Variants in SV2C observed in about 807,000 individuals in gnomAD.
The protein encoded by SV2C is solute carrier family 22 member B3.
Under a neutral mutation model 79.7 loss-of-function variants are expected in SV2C, and 49 were observed. That is an observed-to-expected ratio of 0.61 (90% CI 0.49 to 0.78). The LOEUF (loss-of-function observed/expected upper bound fraction) is 0.78, where lower values mean the gene tolerates loss of function less well. Ranked by LOEUF, SV2C falls within the 30% of genes least tolerant of loss-of-function variation. The pLI, the probability that SV2C is intolerant of heterozygous loss-of-function variation, is 0.00. For synonymous variants in SV2C, 334 were observed against 333.2 expected, an observed-to-expected ratio of 1.00 and a Z score of -0.03; for missense variants, 833 against 912.9, an observed-to-expected ratio of 0.91 and a Z score of 1.13.
At chr5:76,166,230 A>G (rs1743043064) in intron 2 of SV2C, among the ~76,000 whole-genome samples, 1 of 152,240 alleles carries the variant, frequency 6.6e-6, no homozygotes. Flanking sequence ...GACCTAACAC[A>G]TAATGACACA....
intron 12 of SV2C, among the ~76,000 whole-genome samples, chr5:76,345,215 T>A (rs1445382483): frequency 6.6e-6 from 1 of 152,206 alleles, no homozygotes; most frequent in Non-Finnish European, 1.5e-5. Context: ...AACAATGGCT[T>A]AGAAAAACAG....
At chr5:76,245,059 A>G (rs1745903138) in intron 4 of SV2C, among the ~76,000 whole-genome samples, 1 of 152,178 alleles carries the variant, frequency 6.6e-6, no homozygotes, top group Non-Finnish European at 1.5e-5. Flanking sequence ...GGTACCCCCA[A>G]ATTGGGTTAG....
chr5:75,983,728 C>T, the SV2C span, among the ~76,000 whole-genome samples: 1 of 152,016 alleles, frequency 6.6e-6, no homozygotes, highest in Non-Finnish European at 1.5e-5. Flanking sequence ...CATTTGATAG[C>T]TTCCTTGTAT....
chr5:75,947,034 G>A, the SV2C span, among the ~76,000 whole-genome samples: 7 of 152,064 alleles, frequency 4.6e-5, no homozygotes, highest in South Asian at 2.1e-4. Flanking sequence ...ATGCCTTCAC[G>A]TCTGAAAGTA....
chr5:76,334,139 TGTTA>T, downstream of SV2C, among the ~76,000 whole-genome samples: 1 of 152,336 alleles, frequency 6.6e-6, no homozygotes, highest in Admixed American at 6.5e-5. Context: ...ATTTTCCAAC[TGTTA>T]GCCAGGACCA....
the SV2C span, among the ~76,000 whole-genome samples, chr5:75,914,223 C>A: frequency 1.3e-5 from 2 of 151,912 alleles, no homozygotes; most frequent in African/African-American, 4.8e-5. Flanking sequence ...TTCTAGAGTT[C>A]TTTTATAGCT....
chr5:76,252,471 G>A (rs1214323695), intron 4 of SV2C, among the ~76,000 whole-genome samples: 1 of 152,020 alleles, frequency 6.6e-6, no homozygotes, highest in African/African-American at 2.4e-5. Context: ...ACATCCATAA[G>A]CACTCTTTCC....
chr5:76,275,967 T>C (rs1747011736), intron 4 of SV2C, among the ~76,000 whole-genome samples: 1 of 152,222 alleles, frequency 6.6e-6, no homozygotes, highest in Non-Finnish European at 1.5e-5. Flanking sequence ...GGTGCCAATA[T>C]AAAAGGTTCA....
At chr5:76,165,101 G>T (rs1371120587) in intron 2 of SV2C, among the ~76,000 whole-genome samples, 2 of 151,754 alleles carry the variant, frequency 1.3e-5, no homozygotes, top group Non-Finnish European at 2.9e-5. Flanking sequence ...GAACCCACAG[G>T]TATGCAAGTC....
chr5:75,942,511 G>A, the SV2C span, among the ~76,000 whole-genome samples: 1 of 152,144 alleles, frequency 6.6e-6, no homozygotes, highest in South Asian at 2.1e-4. Context: ...CAGCACTGTG[G>A]AGCAGTTCTA....
At chr5:75,892,665 A>G in the SV2C span, among the ~76,000 whole-genome samples, 4 of 152,222 alleles carry the variant, frequency 2.6e-5, no homozygotes, top group Admixed American at 2.0e-4. Flanking sequence ...GCTCCCACCT[A>G]TAAGTGAGTA....
chr5:76,199,295 G>A (rs1392949303), intron 3 of SV2C, among the ~76,000 whole-genome samples: 1 of 152,150 alleles, frequency 6.6e-6, no homozygotes, highest in African/African-American at 2.4e-5. Context: ...AAAACTACGT[G>A]AAATAACATT....
At chr5:76,062,588 T>A in the SV2C span, among the ~76,000 whole-genome samples, 5 of 151,862 alleles carry the variant, frequency 3.3e-5, no homozygotes, top group Non-Finnish European at 7.4e-5. Context: ...GACAGATGTT[T>A]ACATGAACTT....
chr5:75,857,943 G>A, the SV2C span, among the ~76,000 whole-genome samples: 1 of 152,132 alleles, frequency 6.6e-6, no homozygotes, highest in African/African-American at 2.4e-5. Context: ...ACTCATTTTT[G>A]TATGTTGATT....
intron 4 of SV2C, among the ~76,000 whole-genome samples, chr5:76,243,229 C>CA (rs113502968): frequency 9.8e-4 from 148 of 151,438 alleles, no homozygotes; most frequent in Middle Eastern, 3.4e-3. Context: ...TGCATGGAAT[C>CA]AAAAAAAATG....
chr5:75,932,924 G>A, the SV2C span, among the ~76,000 whole-genome samples: 2 of 152,118 alleles, frequency 1.3e-5, no homozygotes, highest in Admixed American at 6.5e-5. Context: ...AATAAATGAT[G>A]ACAATGGCAT....
intron 2 of SV2C, among the ~76,000 whole-genome samples, chr5:76,132,902 A>G (rs1748950702): frequency 6.6e-6 from 1 of 151,942 alleles, no homozygotes; most frequent in East Asian, 1.9e-4. Context: ...GTGATTTTTA[A>G]TCTTTTTCAA....
At chr5:76,343,463 G>C (rs1425933347) in intron 12 of SV2C, among the ~76,000 whole-genome samples, 1 of 152,032 alleles carries the variant, frequency 6.6e-6, no homozygotes, top group African/African-American at 2.4e-5. Flanking sequence ...CATATGAAAA[G>C]GTGCTCAATT....
chr5:75,965,193 A>G, the SV2C span, among the ~76,000 whole-genome samples: 1 of 152,134 alleles, frequency 6.6e-6, no homozygotes, highest in Non-Finnish European at 1.5e-5. Flanking sequence ...TGACCATAAG[A>G]GATTGGGGCT....
Sources: allele counts gnomAD v4.1 joint callset (sites outside exome capture counted in the v4.1 genomes callset), GRCh38; gene constraint gnomAD v4.1.1; transcripts MANE v1.5; gene names NCBI Gene and HGNC (gene_info 2026-07-23, HGNC 2026-07-21).